SP140: variants seen among roughly 807,000 people sequenced by gnomAD.
The protein encoded by SP140 is SP140 nuclear body protein.
Under a neutral mutation model 125.0 loss-of-function variants are expected in SP140, and 81 were observed. The ratio of observed to expected loss-of-function variants is 0.65; its 90% CI spans 0.54 to 0.78. The LOEUF (loss-of-function observed/expected upper bound fraction) is 0.78. Ranked by LOEUF, SP140 falls within the 30% of genes least tolerant of loss-of-function variation. SP140 has a pLI of 0.00. For missense variants in SP140, 858 were observed against 1,037.0 expected, an observed-to-expected ratio of 0.83 and a Z score of 2.37; for synonymous variants, 312 against 354.0, an observed-to-expected ratio of 0.88 and a Z score of 1.33.
At chr2:230,290,355 T>C in intron 18 of SP140, 105 bp from the exon 19 acceptor site, 4 of 1,028,740 alleles carry the variant, frequency 3.9e-6, no homozygotes, top group Non-Finnish European at 5.8e-6. Flanking sequence ...GGTTTTGGAA[T>C]AGAATTTCCT....
chr2:230,202,754 A>G (rs200718758), upstream of SP140: 4 of 1,613,762 alleles, frequency 2.5e-6, no homozygotes, highest in East Asian at 2.2e-5. Context: ...ACTTGTTAAT[A>G]GTTTAAATTG....
chr2:230,248,880 T>C lies in SP140; in HGVS notation c.893-5T>C. On this transcript the variant is annotated splice_polypyrimidine_tract_variant and splice_region_variant and intron_variant, in intron 8 of 26. Transcript: ENST00000392045. ...GTGGTCTGTCAATTTCTTGTTTATCTGCAGAGACCTTTGATCTAAAAACTC... is the reference window on the plus strand; with the variant it reads ...GTGGTCTGTCAATTTCTTGTTTATCCGCAGAGACCTTTGATCTAAAAACTC... 1 of 1,610,396 alleles carries C rather than the reference T, an allele frequency of 6.2e-7. No individual in the cohort carries two copies. The highest frequency in any genetic ancestry group is 8.5e-7 in the Non-Finnish European group (1 of 1,176,766).
chr2:230,304,152 C>T (rs952908170), intron 22 of SP140, among the ~76,000 whole-genome samples: 11 of 152,118 alleles, frequency 7.2e-5, no homozygotes, highest in African/African-American at 2.2e-4. Flanking sequence ...ACCCCTTTTA[C>T]ACTAGCTGCA....
upstream of SP140, among the ~76,000 whole-genome samples, chr2:230,199,667 C>T (rs2043044919): frequency 6.6e-6 from 1 of 152,050 alleles, no homozygotes; most frequent in African/African-American, 2.4e-5. Flanking sequence ...AGTAAGGTAA[C>T]ATCAATCCAC....
chr2:230,219,379 T>C (rs2045588140), intron 3 of SP140, among the ~76,000 whole-genome samples: 1 of 152,230 alleles, frequency 6.6e-6, no homozygotes, highest in Non-Finnish European at 1.5e-5. Context: ...TGAAGGCTGA[T>C]TTAGTAATCA....
chr2:230,216,616 C>G (rs1382728464), intron 3 of SP140, among the ~76,000 whole-genome samples: 2 of 152,216 alleles, frequency 1.3e-5, no homozygotes, highest in East Asian at 3.8e-4. Context: ...AACATAGCCC[C>G]TATGACACCC....
At chr2:230,216,192 C>G (rs2045155149) in intron 3 of SP140, among the ~76,000 whole-genome samples, 1 of 152,088 alleles carries the variant, frequency 6.6e-6, no homozygotes, top group South Asian at 2.1e-4. Flanking sequence ...TATATCTCAG[C>G]CAAGATATAT....
At chr2:230,274,413 G>A (rs1014009157) in intron 15 of SP140, among the ~76,000 whole-genome samples, 2 of 152,190 alleles carry the variant, frequency 1.3e-5, no homozygotes, top group Non-Finnish European at 2.9e-5. Context: ...TGTGACTATG[G>A]AAGAATGGTC....
upstream of SP140, among the ~76,000 whole-genome samples, chr2:230,223,059 A>T (rs1249573601): frequency 2.1e-5 from 3 of 144,594 alleles, no homozygotes; most frequent in Admixed American, 2.1e-4. Flanking sequence ...TTTTTTTGAG[A>T]CAGAGTCACG....
intron 3 of SP140, chr2:230,238,652 T>C (rs753057627): frequency 5.4e-5 from 51 of 940,392 alleles, no homozygotes; most frequent in Non-Finnish European, 8.1e-5. Context: ...GGTTGAAGTC[T>C]CTATTTTTTT....
At chr2:230,256,636 C>T (rs1007457840) in intron 12 of SP140, among the ~76,000 whole-genome samples, 16 of 152,050 alleles carry the variant, frequency 1.1e-4, no homozygotes, top group Admixed American at 7.9e-4. Context: ...CAAACCTGCA[C>T]GTTGTGCACA....
At chr2:230,296,798 G>A (rs182259856) in intron 21 of SP140, among the ~76,000 whole-genome samples, 21 of 152,260 alleles carry the variant, frequency 1.4e-4, no homozygotes, top group African/African-American at 5.1e-4. Flanking sequence ...TATGCCTGAG[G>A]GCCCCTTGAA....
At chr2:230,284,203 G>A (rs1439590382) in intron 15 of SP140, 143 bp from the exon 16 acceptor site, 30 of 691,112 alleles carry the variant, frequency 4.3e-5, no homozygotes, top group African/African-American at 1.9e-4. Flanking sequence ...CAACCTCCAC[G>A]CTGCTACACT....
chr2:230,307,990 TACACACACACACACAC>T (rs139416979), intron 22 of SP140, among the ~76,000 whole-genome samples: 11 of 52,632 alleles, frequency 2.1e-4, no homozygotes, highest in African/African-American at 7.6e-4. Context: ...TATATATATA[TACACACACACACACAC>T]ACACACACAC....
At chr2:230,310,980 GAAC>G in intron 24 of SP140, 129 bp downstream of exon 24, 1 of 766,592 alleles carries the variant, frequency 1.3e-6, no homozygotes, top group Non-Finnish European at 2.1e-6. Context: ...GGCACTGATA[GAAC>G]ACCACACCTT....
chr2:230,221,012 G>A (rs751507599), upstream of SP140, among the ~76,000 whole-genome samples: 1 of 152,034 alleles, frequency 6.6e-6, no homozygotes, highest in Middle Eastern at 3.2e-3. Flanking sequence ...GCCAGGCTCG[G>A]TGGCTCACGC....
intron 21 of SP140, among the ~76,000 whole-genome samples, chr2:230,294,826 TTTC>T: frequency 6.6e-6 from 1 of 152,212 alleles, no homozygotes; most frequent in African/African-American, 2.4e-5. Flanking sequence ...AAAAAGAATA[TTTC>T]TTTTCTGATC....
At chr2:230,249,327 A>T (rs1420316321) in intron 9 of SP140, among the ~76,000 whole-genome samples, 1 of 152,170 alleles carries the variant, frequency 6.6e-6, no homozygotes, top group Non-Finnish European at 1.5e-5. Context: ...TTTTCAGCCT[A>T]CTTCCAGAAG....
At chr2:230,316,514 T>C (rs756834679), downstream of SP140, among the ~76,000 whole-genome samples, 3 of 152,210 alleles carry the variant, frequency 2.0e-5, no homozygotes, top group Non-Finnish European at 4.4e-5. Context: ...TTATCAACTT[T>C]TTTCACTTAA....
Sources: allele counts gnomAD v4.1 joint callset (sites outside exome capture counted in the v4.1 genomes callset), GRCh38; gene constraint gnomAD v4.1.1; transcripts MANE v1.5; gene names NCBI Gene and HGNC (gene_info 2026-07-23, HGNC 2026-07-21).